Variants in THSD7B observed in about 807,000 individuals in gnomAD.
THSD7B encodes the protein thrombospondin type 1 domain containing 7B, also known as thrombospondin type-1 domain-containing protein 7B.
Under a neutral mutation model 213.6 loss-of-function variants are expected in THSD7B, and 138 were observed. That is an observed-to-expected ratio of 0.65 (90% CI 0.56 to 0.74). The LOEUF (loss-of-function observed/expected upper bound fraction) is 0.74. Ranked by LOEUF, THSD7B falls within the 30% of genes least tolerant of loss-of-function variation. THSD7B has a pLI of 0.00. For synonymous variants in THSD7B, 742 were observed against 687.0 expected (o/e 1.08, Z -1.25); for missense variants, 1,931 against 1,991.5 (o/e 0.97, Z 0.58).
chr2:137,592,146 C>T (rs1014613760), intron 17 of THSD7B, among the ~76,000 whole-genome samples: 6 of 151,602 alleles, frequency 4.0e-5, no homozygotes, highest in Non-Finnish European at 7.4e-5. Flanking sequence ...TTTAATATTA[C>T]TACTGATTAT....
chr2:136,985,820 G>A (rs1476367527), intron 2 of THSD7B, among the ~76,000 whole-genome samples: 1 of 152,206 alleles, frequency 6.6e-6, no homozygotes, highest in Non-Finnish European at 1.5e-5. Context: ...TAGCTTATGA[G>A]AGCAGCCACA....
intron 2 of THSD7B, among the ~76,000 whole-genome samples, chr2:136,983,657 C>A (rs1368177257): frequency 6.6e-6 from 1 of 152,058 alleles, no homozygotes; most frequent in African/African-American, 2.4e-5. Flanking sequence ...TGTCTAAATT[C>A]TTAGGTTCTG....
At chr2:137,232,183 A>G (rs1292550873) in intron 8 of THSD7B, among the ~76,000 whole-genome samples, 2 of 152,188 alleles carry the variant, frequency 1.3e-5, no homozygotes, top group Non-Finnish European at 2.9e-5. Context: ...GATGCTTTAG[A>G]TAAATACCAC....
intron 2 of THSD7B, among the ~76,000 whole-genome samples, chr2:137,018,343 G>A (rs537708011): frequency 6.6e-6 from 1 of 152,082 alleles, no homozygotes; most frequent in Admixed American, 6.6e-5. Context: ...TCCCAAGAAT[G>A]ATTTATTTGT....
intron 20 of THSD7B, among the ~76,000 whole-genome samples, chr2:137,637,135 T>C (rs1682848194): frequency 6.6e-6 from 1 of 152,214 alleles, no homozygotes; most frequent in African/African-American, 2.4e-5. Flanking sequence ...GCTGTTAGGA[T>C]TTCTTGATAG....
chr2:136,921,089 G>A (rs1684430182), intron 2 of THSD7B, among the ~76,000 whole-genome samples: 1 of 151,924 alleles, frequency 6.6e-6, no homozygotes, highest in Admixed American at 6.6e-5. Flanking sequence ...AGAAGGCGGG[G>A]CTCTCATCTG....
intron 27 of THSD7B, among the ~76,000 whole-genome samples, chr2:137,674,058 C>T (rs959198465): frequency 6.6e-6 from 1 of 152,080 alleles, no homozygotes; most frequent in African/African-American, 2.4e-5. Context: ...TAGAATATTC[C>T]AAGCCTAGAT....
chr2:137,534,710 A>G (rs1486099633), intron 15 of THSD7B, among the ~76,000 whole-genome samples: 2 of 151,768 alleles, frequency 1.3e-5, no homozygotes, highest in African/African-American at 4.8e-5. Flanking sequence ...ACATAAATCT[A>G]TGAGTAATAA....
chr2:137,186,039 G>T (rs371118168), intron 7 of THSD7B, among the ~76,000 whole-genome samples: 102 of 152,284 alleles, frequency 6.7e-4, no homozygotes, highest in Non-Finnish European at 1.2e-3. Flanking sequence ...CTTCTTTGGA[G>T]AAGTATCTGT....
At chr2:136,783,553 A>G (rs1267884601) in intron 1 of THSD7B, among the ~76,000 whole-genome samples, 1 of 152,148 alleles carries the variant, frequency 6.6e-6, no homozygotes, top group Non-Finnish European at 1.5e-5. Context: ...AGCCACCAAG[A>G]GAGACCTGGA....
intron 1 of THSD7B, among the ~76,000 whole-genome samples, chr2:136,876,504 T>C (rs1457241579): frequency 6.6e-6 from 1 of 152,222 alleles, no homozygotes; most frequent in Non-Finnish European, 1.5e-5. Context: ...GTCTGGAGAA[T>C]ATAATAGCCT....
At chr2:136,795,036 A>T (rs1682036757) in intron 1 of THSD7B, among the ~76,000 whole-genome samples, 1 of 151,868 alleles carries the variant, frequency 6.6e-6, no homozygotes, top group African/African-American at 2.4e-5. Flanking sequence ...CCGTTAATTT[A>T]TCTATATACT....
chr2:136,817,809 C>G lies in THSD7B; in HGVS notation c.-36+52122C>G, dbSNP rs1245826965. On this transcript the variant is annotated intron_variant, in intron 1 of 27. Transcript: ENST00000409968. ...ACACATGAAAAAATGCTCATCATCA[C>G]TGGCCATCAGAGAAATGCAAATCAA... 1.8e-4 allele frequency among the ~76,000 whole-genome samples: 26 copies of G among 147,926 alleles called. No individual in the cohort carries two copies. The East Asian group carries it at 4.3e-3, about 25-fold the overall frequency.
intron 1 of THSD7B, among the ~76,000 whole-genome samples, chr2:136,791,884 C>G (rs1000964324): frequency 6.6e-6 from 1 of 151,980 alleles, no homozygotes; most frequent in Non-Finnish European, 1.5e-5. Context: ...TTTCATTTCT[C>G]TTGGGTATAT....
intron 12 of THSD7B, among the ~76,000 whole-genome samples, chr2:137,300,917 A>C (rs556888634): frequency 6.6e-6 from 1 of 152,072 alleles, no homozygotes; most frequent in Non-Finnish European, 1.5e-5. Flanking sequence ...TCATGTGGGG[A>C]AAAATGGAAG....
At chr2:137,009,035 C>A (rs997415683) in intron 2 of THSD7B, among the ~76,000 whole-genome samples, 1 of 152,162 alleles carries the variant, frequency 6.6e-6, no homozygotes, top group Non-Finnish European at 1.5e-5. Flanking sequence ...AATTAAAAAT[C>A]ACTGGGAGTA....
intron 15 of THSD7B, among the ~76,000 whole-genome samples, chr2:137,507,939 C>T (rs913612548): frequency 2.6e-5 from 4 of 152,212 alleles, no homozygotes; most frequent in Admixed American, 2.0e-4. Flanking sequence ...TCTGTCTCCT[C>T]TAAGTGGCTG....
chr2:137,569,595 T>C (rs930911957), intron 16 of THSD7B, among the ~76,000 whole-genome samples: 8 of 152,126 alleles, frequency 5.3e-5, no homozygotes, highest in African/African-American at 1.9e-4. Context: ...TTTCCAGAGG[T>C]ACTTGGTGCC....
intron 15 of THSD7B, among the ~76,000 whole-genome samples, chr2:137,555,009 A>G (rs1487924353): frequency 6.6e-6 from 1 of 152,036 alleles, no homozygotes; most frequent in African/African-American, 2.4e-5. Flanking sequence ...GGCGCCCACC[A>G]TTGTTGAGGC....
Sources: allele counts gnomAD v4.1 joint callset (sites outside exome capture counted in the v4.1 genomes callset), GRCh38; gene constraint gnomAD v4.1.1; transcripts MANE v1.5; gene names NCBI Gene and HGNC (gene_info 2026-07-23, HGNC 2026-07-21).